Variants in DKK2 observed in about 807,000 individuals in gnomAD.
DKK2 encodes dickkopf Wnt signaling pathway inhibitor 2.
Under a neutral mutation model 28.1 loss-of-function variants are expected in DKK2, and 11 were observed. That is an observed-to-expected ratio of 0.39 (90% CI 0.25 to 0.65). DKK2 has a LOEUF of 0.65. DKK2 is among the 30% of genes least tolerant of loss of function. The probability of loss-of-function intolerance (pLI) is 0.47; values close to 1 mark genes in which losing one functional copy is unlikely to be tolerated. For synonymous variants in DKK2, 135 were observed against 126.5 expected (o/e 1.07, Z -0.45); for missense variants, 326 against 335.5 (o/e 0.97, Z 0.22).
chr4:106,959,702 A>C (rs372968283), intron 1 of DKK2, among the ~76,000 whole-genome samples: 2 of 152,176 alleles, frequency 1.3e-5, no homozygotes, highest in Non-Finnish European at 2.9e-5. Flanking sequence ...GAAAAAAATT[A>C]TAATTAGCAA....
chr4:107,036,237 C>T lies in DKK2; in HGVS notation c.-646G>A, dbSNP rs1723965189. ...CCCTGACTCACAAGAGACAGCGAAT[C>T]GCTGCCAGCGCAGCGATGCCTAGGG... is the stretch of plus-strand genomic sequence containing the variant. On this transcript the variant is annotated 5_prime_UTR_variant, in exon 1 of 4. Transcript: ENST00000285311. 1 of 152,414 alleles carries T rather than the reference C, an allele frequency of 6.6e-6. No homozygotes were observed. Among genetic ancestry groups the T allele is most frequent in the African/African-American group, 2.4e-5 (1 of 41,434 alleles). 9.4% of individuals were successfully genotyped at this position (152,414 alleles called of 1,614,324 possible).
At chr4:106,956,949 A>C (rs1254832966) in intron 1 of DKK2, among the ~76,000 whole-genome samples, 2 of 151,578 alleles carry the variant, frequency 1.3e-5, no homozygotes, top group African/African-American at 4.9e-5. Context: ...AGAAACTACC[A>C]TCAGAGTGAA....
intron 1 of DKK2, among the ~76,000 whole-genome samples, chr4:107,006,692 C>T (rs1723442693): frequency 1.3e-5 from 2 of 152,184 alleles, no homozygotes; most frequent in Non-Finnish European, 2.9e-5. Context: ...CTCAATCTAA[C>T]TCAAGTGAAA....
chr4:106,953,254 T>C (rs941093137), intron 1 of DKK2, among the ~76,000 whole-genome samples: 3 of 152,184 alleles, frequency 2.0e-5, no homozygotes, highest in Admixed American at 6.5e-5. Flanking sequence ...GCAACCAGCA[T>C]TGAGTGCTGG....
At chr4:106,953,960 G>A (rs1722541333) in intron 1 of DKK2, among the ~76,000 whole-genome samples, 1 of 152,092 alleles carries the variant, frequency 6.6e-6, no homozygotes, top group Non-Finnish European at 1.5e-5. Flanking sequence ...CAAGTATGAG[G>A]ACCATCTCTT....
intron 1 of DKK2, among the ~76,000 whole-genome samples, chr4:106,928,732 A>G (rs980102550): frequency 6.6e-6 from 1 of 152,184 alleles, no homozygotes; most frequent in Non-Finnish European, 1.5e-5. Flanking sequence ...ACATGAAATA[A>G]TATGGTTCTA....
At chr4:107,006,009 G>A (rs1362669026) in intron 1 of DKK2, among the ~76,000 whole-genome samples, 2 of 152,130 alleles carry the variant, frequency 1.3e-5, no homozygotes, top group Non-Finnish European at 2.9e-5. Context: ...ATCATTAAAG[G>A]CAAAGAGACT....
intron 1 of DKK2, among the ~76,000 whole-genome samples, chr4:106,989,528 T>G (rs752940977): frequency 6.6e-6 from 1 of 152,204 alleles, no homozygotes; most frequent in Non-Finnish European, 1.5e-5. Flanking sequence ...TTTCCTTCCA[T>G]TCAGGGAACA....
chr4:106,977,375 C>A (rs187970056), intron 1 of DKK2, among the ~76,000 whole-genome samples: 3 of 152,298 alleles, frequency 2.0e-5, no homozygotes, highest in African/African-American at 7.2e-5. Context: ...TTCAGGTACA[C>A]CAATCAAATG....
chr4:106,937,946 A>G (rs1724622825), intron 1 of DKK2, among the ~76,000 whole-genome samples: 1 of 148,828 alleles, frequency 6.7e-6, no homozygotes, highest in Non-Finnish European at 1.5e-5. Flanking sequence ...ACATACCAGA[A>G]TCTCTGGGAC....
At chr4:106,983,357 AAAGAAAGAAAG>A (rs1402027709) in intron 1 of DKK2, among the ~76,000 whole-genome samples, 161 of 141,152 alleles carry the variant, frequency 1.1e-3, no homozygotes, top group African/African-American at 3.8e-3. Flanking sequence ...AGAAAGAAAG[AAAGAAAGAAAG>A]AAGAAAGAAA....
At chr4:107,002,967 C>T (rs1304819750) in intron 1 of DKK2, among the ~76,000 whole-genome samples, 1 of 152,134 alleles carries the variant, frequency 6.6e-6, no homozygotes, top group African/African-American at 2.4e-5. Flanking sequence ...TAATTCAACA[C>T]TCTTACAGAT....
chr4:106,975,153 A>G (rs112927101), intron 1 of DKK2, among the ~76,000 whole-genome samples: 3,233 of 152,212 alleles, frequency 0.021, 141 homozygotes, highest in African/African-American at 0.074. Context: ...CCAGTATTTT[A>G]TTTAAGATTT....
At position 106,951,921 on chromosome 4, in the gene DKK2, G is replaced by A. The variant is rs149972098; in HGVS notation, c.223-25972C>T. ...TTTGTATTAAATGGAAAGTAATGTAGTCAATTTGCTTATTTTGTTAAATGC... is the reference window on the plus strand; with the variant it reads ...TTTGTATTAAATGGAAAGTAATGTAATCAATTTGCTTATTTTGTTAAATGC... On this transcript the variant is annotated intron_variant, in intron 1 of 3. Transcript: ENST00000285311. 1.9e-4 allele frequency among the ~76,000 whole-genome samples: 29 copies of A among 152,226 alleles called. No homozygotes were observed. The East Asian group carries it at 5.2e-3, about 27-fold the overall frequency.
At chr4:107,016,593 T>A (rs1440549086) in intron 1 of DKK2, among the ~76,000 whole-genome samples, 3 of 152,008 alleles carry the variant, frequency 2.0e-5, no homozygotes, top group Non-Finnish European at 4.4e-5. Context: ...AGTTTTTAAT[T>A]TGTTTTTACT....
chr4:106,923,990 G>C lies in DKK2; in HGVS notation c.744C>G (p.Ser248=). The part of the protein sequence containing the change: ...SCKVWKDATY[S]SKARLHVCQK... The stretch of plus-strand genomic sequence containing the variant: ...GACACACATGGAGTCTGGCTTTGGA[G>C]GAGTAGGTGGCATCTTTCCATACTT... Residue 248 remains serine (S), a synonymous_variant, in exon 4 of 4, where the codon TCC becomes TCG. Transcript: ENST00000285311. 1 of 1,613,944 alleles carries C rather than the reference G, an allele frequency of 6.2e-7. No individual in the cohort carries two copies.
chr4:107,000,738 A>G (rs981790679), intron 1 of DKK2, among the ~76,000 whole-genome samples: 1 of 152,184 alleles, frequency 6.6e-6, no homozygotes, highest in East Asian at 1.9e-4. Context: ...TGATGCCAGA[A>G]TCTTTATACA....
chr4:106,924,682 G>C lies in DKK2; in HGVS notation c.392C>G (p.Thr131Ser). ...RCNNGICIPV[T>S]ESILTPHIPA... ...GATGTGAGGGGTTAAGATGCTTTCA[G>C]TAACTGGGATACAGATGCCTGGAGA... Residue 131 changes from threonine (T) to serine (S), a missense_variant, in exon 3 of 4, where the codon ACT (threonine) becomes AGT (serine). Thr to Ser is a moderately conservative substitution (Grantham distance 58). Transcript: ENST00000285311. 1.2e-6 allele frequency: 2 copies of C among 1,613,434 alleles called. No homozygotes were observed. The highest frequency in any genetic ancestry group is 1.7e-6 in the Non-Finnish European group (2 of 1,179,662).
chr4:106,963,239 G>A (rs1350264221), intron 1 of DKK2, among the ~76,000 whole-genome samples: 2 of 151,770 alleles, frequency 1.3e-5, no homozygotes, highest in African/African-American at 2.4e-5. Flanking sequence ...TGTAATCCCA[G>A]CTACTTGGGA....
Sources: allele counts gnomAD v4.1 joint callset (sites outside exome capture counted in the v4.1 genomes callset), GRCh38; gene constraint gnomAD v4.1.1; transcripts MANE v1.5; gene names NCBI Gene and HGNC (gene_info 2026-07-23, HGNC 2026-07-21).